LITAF: variants seen among roughly 807,000 people sequenced by gnomAD.
LITAF encodes lipopolysaccharide-induced tumor necrosis factor-alpha factor.
A neutral mutation model predicts 14.5 loss-of-function variants in LITAF; 9 were observed. The ratio of observed to expected loss-of-function variants is 0.62; its 90% confidence interval spans 0.37 to 1.08. LITAF has a LOEUF of 1.08. Among genes scored for constraint, LITAF ranks in the 50% least tolerant of loss-of-function variants. The pLI, the probability that LITAF is intolerant of heterozygous loss-of-function variation, is 0.01. For missense variants in LITAF, 206 were observed against 213.4 expected (o/e 0.97, Z 0.22); for synonymous variants, 98 against 88.2 (o/e 1.11, Z -0.62).
At chr16:11,593,757 C>A (rs2064863612) in intron 1 of LITAF, among the ~76,000 whole-genome samples, 1 of 152,216 alleles carries the variant, frequency 6.6e-6, no homozygotes, top group Non-Finnish European at 1.5e-5. Flanking sequence ...CCAAAAACCA[C>A]ATATCTATTA....
At chr16:11,574,798 A>G (rs900060067) in intron 1 of LITAF, among the ~76,000 whole-genome samples, 4 of 60,434 alleles carry the variant, frequency 6.6e-5, no homozygotes, top group African/African-American at 3.9e-4. Context: ...TTGTCAATAT[A>G]AAGTTTTTTT....
intron 3 of LITAF, among the ~76,000 whole-genome samples, chr16:11,619,628 A>G (rs1053993705): frequency 2.0e-5 from 3 of 150,662 alleles, no homozygotes; most frequent in Non-Finnish European, 4.4e-5. Context: ...GTGCAGTGGT[A>G]TGATCATAGC....
chr16:11,621,164 A>C (rs1457339484), intron 3 of LITAF, among the ~76,000 whole-genome samples: 1 of 152,100 alleles, frequency 6.6e-6, no homozygotes, highest in African/African-American at 2.4e-5. Flanking sequence ...TCCCAGGTTC[A>C]AGTGATTCTC....
At chr16:11,559,820 C>T (rs571148676) in intron 1 of LITAF, among the ~76,000 whole-genome samples, 1 of 148,732 alleles carries the variant, frequency 6.7e-6, no homozygotes, top group East Asian at 2.0e-4. Context: ...CATAGGGAGA[C>T]ACTGTCTCTA....
chr16:11,597,345 G>T (rs2064896181), intron 1 of LITAF, among the ~76,000 whole-genome samples: 2 of 152,154 alleles, frequency 1.3e-5, no homozygotes, highest in African/African-American at 4.8e-5. Context: ...CCCACTGGGG[G>T]TGTGGGGAGA....
rs375500235 is a variant in LITAF at position 11,632,620 on chromosome 16, G to A, written c.85+913C>T. 3.9e-5 allele frequency among the ~76,000 whole-genome samples: 6 copies of A among 152,292 alleles called. No individual in the cohort carries two copies. Among genetic ancestry groups the A allele is most frequent in the African/African-American group, 1.4e-4 (6 of 41,580 alleles). On this transcript the variant is annotated intron_variant, in intron 3 of 3. Transcript: ENST00000574848. This position sits in a 1 kb window ranked among gnomAD's most constrained non-coding sequence, Gnocchi z 4.8. ...TGGGATCCCTTGGCCCCATCTGGAGGAAGCCCCACCGAGCCAGAGCCAGGG... is the reference window on the plus strand; with the variant it reads ...TGGGATCCCTTGGCCCCATCTGGAGAAAGCCCCACCGAGCCAGAGCCAGGG...
intron 1 of LITAF, among the ~76,000 whole-genome samples, chr16:11,570,514 G>T (rs749360832): frequency 1.1e-4 from 17 of 152,154 alleles, no homozygotes; most frequent in Non-Finnish European, 2.2e-4. Context: ...CCTACCCGCA[G>T]TGTGGGCGAC....
chr16:11,558,111 T>A lies in LITAF; in HGVS notation c.-5-1376A>T, dbSNP rs533996449. Among the ~76,000 whole-genome samples, 8 of 152,194 alleles carry A rather than the reference T, an allele frequency of 5.3e-5. No individual in the cohort carries two copies. In the East Asian group the frequency reaches 1.5e-3, roughly 29 times the overall value. ...CAGCGAGCCACAACCACCACTCCCCTCTCCCGACACTGTCTGCCTCATTTT... is the reference window on the plus strand; with the variant it reads ...CAGCGAGCCACAACCACCACTCCCCACTCCCGACACTGTCTGCCTCATTTT... On this transcript the variant is annotated intron_variant, in intron 1 of 3. Transcript: ENST00000622633. This position sits in a 1 kb window ranked among gnomAD's most constrained non-coding sequence, Gnocchi z 4.1.
rs368263216 is a variant in LITAF at position 11,605,793 on chromosome 16, C to G, written c.85+27740G>C. On this transcript the variant is annotated intron_variant, in intron 3 of 3. Transcript: ENST00000574848. This position sits in a 1 kb window ranked among gnomAD's most constrained non-coding sequence, Gnocchi z 4.7. ...AGAGAAAGAGAAGCAAGAGAGTTAC[C>G]GTGAGAGCCCCGAGAGCTTCCCACA... 5.3e-5 allele frequency among the ~76,000 whole-genome samples: 8 copies of G among 152,170 alleles called. No homozygotes were observed. Among genetic ancestry groups the G allele is most frequent in the African/African-American group, 1.9e-4 (8 of 41,526 alleles).
chr16:11,578,482 G>A (rs1293067667), intron 1 of LITAF, among the ~76,000 whole-genome samples: 1 of 152,170 alleles, frequency 6.6e-6, no homozygotes, highest in African/African-American at 2.4e-5. Flanking sequence ...AGCGAGCCAA[G>A]ATCGCACCAT....
At chr16:11,598,341 C>G (rs1423678383) in intron 1 of LITAF, 1 of 150,060 alleles carries the variant, frequency 6.7e-6, no homozygotes, top group Admixed American at 6.7e-5. Flanking sequence ...CTCTTCTACT[C>G]GGCTTGCAAA....
At chr16:11,633,057 C>T (rs892099509) in intron 3 of LITAF, among the ~76,000 whole-genome samples, 2 of 152,304 alleles carry the variant, frequency 1.3e-5, no homozygotes, top group African/African-American at 2.4e-5. Flanking sequence ...AAGGAGGTCT[C>T]TCTAGCCCCG....
chr16:11,619,679 G>T (rs112167431), intron 3 of LITAF, among the ~76,000 whole-genome samples: 3 of 151,616 alleles, frequency 2.0e-5, no homozygotes. Context: ...CCACCATCCT[G>T]CCTCAGCTTC....
intron 1 of LITAF, among the ~76,000 whole-genome samples, chr16:11,573,705 T>C (rs959282367): frequency 6.5e-5 from 5 of 77,050 alleles, no homozygotes; most frequent in African/African-American, 1.5e-4. Flanking sequence ...GATATCCTTT[T>C]TTTTTTTTTT....
chr16:11,597,762 G>A (rs1384230518), intron 1 of LITAF, among the ~76,000 whole-genome samples: 1 of 152,140 alleles, frequency 6.6e-6, no homozygotes, highest in Non-Finnish European at 1.5e-5. Context: ...GCAAGTCCCT[G>A]CCCTCCGCAG....
chr16:11,556,715 G>T lies in LITAF; in HGVS notation c.16C>A (p.Pro6Thr). The part of the protein sequence containing the change: MSVPG[P>T]YQAATGPSSA... Reference sequence around the variant, plus strand: ...GAAGGCCCAGTGGCCGCCTGGTAAGGTCCTGGAACCGACATTTTACCTAAA... The same window carrying T: ...GAAGGCCCAGTGGCCGCCTGGTAAGTTCCTGGAACCGACATTTTACCTAAA... The change falls in exon 2 of 4, where the codon CCT (proline) becomes ACT (threonine). Residue 6 changes from proline to threonine, a missense_variant. Pro to Thr is a conservative substitution (Grantham distance 38). Coordinates refer to ENST00000622633, the MANE Select transcript of LITAF (RefSeq NM_001136472.2). 1.2e-6 allele frequency: 2 copies of T among 1,614,142 alleles called. No individual in the cohort carries two copies. The highest frequency in any genetic ancestry group is 1.1e-5 in the South Asian group (1 of 91,080).
At chr16:11,593,643 A>C (rs2064862747) in intron 1 of LITAF, among the ~76,000 whole-genome samples, 1 of 152,208 alleles carries the variant, frequency 6.6e-6, no homozygotes, top group Non-Finnish European at 1.5e-5. Context: ...AGGAGTATTG[A>C]CCATAAAAGA....
At chr16:11,587,647 C>G, upstream of LITAF, 1 of 226,800 alleles carries the variant, frequency 4.4e-6, no homozygotes, top group South Asian at 4.4e-5. Flanking sequence ...GTAGGCCTTT[C>G]TCAGCCATCA....
At chr16:11,587,501 A>T (rs1470183631), upstream of LITAF, 2 of 453,030 alleles carry the variant, frequency 4.4e-6, no homozygotes, top group Non-Finnish European at 8.8e-6. Flanking sequence ...AAATGGGCAC[A>T]ATAGCGGTCC....
Sources: gnomAD v4.1 joint callset for allele counts (sites outside exome capture counted in the v4.1 genomes callset) on GRCh38, gnomAD v4.1.1 for gene constraint, Gnocchi (gnomAD v3.1) non-coding constraint, MANE v1.5 for transcripts, NCBI Gene and HGNC (gene_info 2026-07-23, HGNC 2026-07-21) for gene names.